CELSR1: variants seen among roughly 807,000 people sequenced by gnomAD.
CELSR1 encodes adhesion G protein-coupled receptor C1.
CELSR1 carries 110 observed loss-of-function variants against 249.1 expected under a neutral mutation model. The ratio of observed to expected loss-of-function variants is 0.44; its 90% confidence interval spans 0.38 to 0.52. The LOEUF (loss-of-function observed/expected upper bound fraction) is 0.52. Ranked by LOEUF, CELSR1 falls within the 20% of genes least tolerant of loss-of-function variation. CELSR1 has a pLI of 0.00. For missense variants in CELSR1, 4,109 were observed against 4,296.4 expected (o/e 0.96, Z 1.22); for synonymous variants, 2,113 against 1,900.0 (o/e 1.11, Z -2.92).
chr22:46,475,975 A>T (rs2080204249), intron 1 of CELSR1, among the ~76,000 whole-genome samples: 1 of 152,158 alleles, frequency 6.6e-6, no homozygotes, highest in Non-Finnish European at 1.5e-5. Flanking sequence ...GTGTGTTCAC[A>T]CATCAACATA....
chr22:46,439,292 A>G lies in CELSR1; in HGVS notation c.4303T>C (p.Tyr1435His). 1 of 1,613,720 alleles carries G rather than the reference A, an allele frequency of 6.2e-7. No individual in the cohort carries two copies. Among genetic ancestry groups the G allele is most frequent in the Admixed American group, 1.7e-5 (1 of 59,984 alleles). Reference protein sequence around the residue: ...GFHCVCPPGEYERPYCEVTTR... With the variant: ...GFHCVCPPGEHERPYCEVTTR... ...GTCACCTCACAGTAGGGCCTCTCAT[A>G]CTCGCCAGGAGGACACACGCAGTGG... The change falls in exon 3 of 35, where the codon TAT becomes CAT. Residue 1435 changes from tyrosine to histidine, a missense_variant. By Grantham distance (83) the Tyr-to-His change is moderately conservative. Around this residue, in one of 7 missense-constraint regions of CELSR1, gnomAD observed 453 missense variants for 492.0 expected, o/e 0.92. Transcript: ENST00000674500.
At chr22:46,384,819 T>C in intron 19 of CELSR1, 133 bp from the exon 20 acceptor site, 1 of 963,628 alleles carries the variant, frequency 1.0e-6, no homozygotes, top group Non-Finnish European at 1.5e-6. Flanking sequence ...AGGTGGAGTC[T>C]CGCAGTGTCT....
In CELSR1 at chr22:46,402,515, C is replaced by G. The variant is rs1298197801; in HGVS notation, c.5227-2613G>C. Among the ~76,000 whole-genome samples, 2 of 152,174 alleles carry G rather than the reference C, an allele frequency of 1.3e-5. No homozygotes were observed. Among genetic ancestry groups the G allele is most frequent in the Non-Finnish European group, 2.9e-5 (2 of 68,028 alleles). On this transcript the variant is annotated intron_variant, in intron 9 of 34. Transcript: ENST00000674500. This position sits in a 1 kb window ranked among gnomAD's most constrained non-coding sequence, Gnocchi z 5.0. The stretch of plus-strand genomic sequence containing the variant: ...TACAGGCATGAGCCACTGCACCTGG[C>G]CCCCATTCTAGTTTCAAATGCTCTC...
rs543471948 is a variant in CELSR1 at position 46,377,398 on chromosome 22, C to T, written c.7384-137G>A. ...CAGGATCAGGCTGGGCTGGGGAGGC[C>T]GAGTGCTCATGGCTCTGGGCCTGGA... On this transcript the variant is annotated intron_variant, in intron 23 of 34. Coordinates refer to ENST00000674500, the MANE Select transcript of CELSR1 (RefSeq NM_001378328.1). 1.5e-4 allele frequency: 144 copies of T among 952,888 alleles called. No homozygotes were observed. In the African/African-American group the frequency reaches 1.9e-3, roughly 13 times the overall value. The allele number at this position is 952,888 out of a possible 1,614,324, so 59.0% of individuals were successfully genotyped here.
chr22:46,524,575 T>TGTGTGTG (rs1569218327), intron 1 of CELSR1, among the ~76,000 whole-genome samples: 20 of 23,884 alleles, frequency 8.4e-4, no homozygotes, highest in Non-Finnish European at 1.8e-3. Context: ...TGTGTGTCTG[T>TGTGTGTG]CTGTCTGTGT....
Position 46,381,987 on chromosome 22 carries a change from C to T in CELSR1, c.6947G>A (p.Gly2316Asp). 6.4e-7 allele frequency: 1 copy of T among 1,565,722 alleles called. No individual in the cohort carries two copies. The highest frequency in any genetic ancestry group is 1.4e-5 in the African/African-American group (1 of 73,768). Residue 2316 changes from glycine (G) to aspartate (D), a missense_variant, in exon 21 of 35, where the codon GGC becomes GAC. Coordinates refer to ENST00000674500, the MANE Select transcript of CELSR1 (RefSeq NM_001378328.1). This position sits in a 1 kb window ranked among gnomAD's most constrained non-coding sequence, Gnocchi z 6.0. ...GCTGATCGGGGCCTCCCTCTCGGTG[C>T]CAGGCCCCGGGCGCGTGGTCTGCGG... ...TTPQTTRPGP[G>D]TEREAPISRR...
chr22:46,536,231 C>G lies in CELSR1; in HGVS notation c.940G>C (p.Glu314Gln). 1 of 1,612,548 alleles carries G rather than the reference C, an allele frequency of 6.2e-7. No homozygotes were observed. The highest frequency in any genetic ancestry group is 8.5e-7 in the Non-Finnish European group (1 of 1,179,972). ...AVSTDSVLDR[E>Q]TKETHVLRVK... is the part of the protein sequence containing the mutation. Reference sequence around the variant, plus strand: ...CTGAGGACGTGCGTCTCCTTGGTCTCGCGGTCCAGTACGCTGTCCGTGCTC... The same window carrying G: ...CTGAGGACGTGCGTCTCCTTGGTCTGGCGGTCCAGTACGCTGTCCGTGCTC... Residue 314 changes from glutamate to glutamine, a missense_variant, in exon 1 of 35, where the codon GAG becomes CAG. This residue lies in a region of CELSR1 where 673 missense variants were observed against 636.8 expected (regional missense o/e 1.06). Coordinates refer to ENST00000674500, the MANE Select transcript of CELSR1 (RefSeq NM_001378328.1).
Position 46,384,555 on chromosome 22 carries a change from G to A in CELSR1, c.6871C>T (p.Pro2291Ser). Residue 2291 changes from proline (P) to serine (S), a missense_variant, in exon 20 of 35, where the codon CCT becomes TCT. Physicochemically the swap from Pro to Ser is moderately conservative, Grantham distance 74. Transcript: ENST00000674500. ...TAAGCGGTTTTACCTTTTTCTTCAG[G>A]TGGTCTGAAGAAGTCGGCTGGGAAG... The part of the protein sequence containing the change: ...VSFPADFFRP[P>S]EEKEGPLLRP... 6.2e-7 allele frequency: 1 copy of A among 1,608,932 alleles called. No homozygotes were observed. The highest frequency in any genetic ancestry group is 1.3e-5 in the African/African-American group (1 of 74,830).
Position 46,464,384 on chromosome 22 carries a change from CG to C in CELSR1, c.3545-40del. 2.5e-6 allele frequency: 4 copies of C among 1,582,308 alleles called. No individual in the cohort carries two copies. The highest frequency in any genetic ancestry group is 3.4e-6 in the Non-Finnish European group (4 of 1,164,540). ...GAAAGTCAGGGTCATTCAGATGCTGCGGGAGTCACAGGTCCTATAGGCCCCA... is the reference window on the plus strand; with the variant it reads ...GAAAGTCAGGGTCATTCAGATGCTGCGGAGTCACAGGTCCTATAGGCCCCA... On this transcript the variant is annotated intron_variant, in intron 1 of 34. Transcript: ENST00000674500. The surrounding 1 kb of genome is among the most constrained non-coding windows in gnomAD (Gnocchi z 8.5).
rs893514507 is a variant in CELSR1, at chr22:46,429,632, TC to T, written c.4611+3760del. Among the ~76,000 whole-genome samples the T allele has an allele frequency of 1.1e-4, 16 of 152,220 alleles. No individual in the cohort carries two copies. Among genetic ancestry groups the T allele is most frequent in the African/African-American group, 3.9e-4 (16 of 41,460 alleles). On this transcript the variant is annotated intron_variant, in intron 5 of 34. Transcript: ENST00000674500. This position sits in a 1 kb window ranked among gnomAD's most constrained non-coding sequence, Gnocchi z 4.1. The stretch of plus-strand genomic sequence containing the variant: ...GGAAAAATAAACAGACTCTGCCTGC[TC>T]CCTGCCTGGGAGGGTTCCCTACCCC...
intron 1 of CELSR1, among the ~76,000 whole-genome samples, chr22:46,507,422 C>T (rs571873248): frequency 6.6e-6 from 1 of 152,054 alleles, no homozygotes; most frequent in East Asian, 1.9e-4. Context: ...CATGATGACC[C>T]CCACAGCACC....
intron 5 of CELSR1, among the ~76,000 whole-genome samples, chr22:46,421,032 C>A (rs1363630740): frequency 6.6e-6 from 1 of 152,204 alleles, no homozygotes; most frequent in Non-Finnish European, 1.5e-5. Context: ...CCGCCTAAAC[C>A]CGGCCCTCCC....
rs1172673408 is a variant in CELSR1 at position 46,395,917 on chromosome 22, C to G, written c.5843+688G>C. On this transcript the variant is annotated intron_variant, in intron 13 of 34. Transcript: ENST00000674500. The surrounding 1 kb of genome is among the most constrained non-coding windows in gnomAD (Gnocchi z 5.5). ...CACGCTGCTGCCTGTCCTAACCACA[C>G]TAGGATCTCCGCACACATCAGAAAT... Among the ~76,000 whole-genome samples the G allele has an allele frequency of 1.3e-5, 2 of 152,216 alleles. No homozygotes were observed. The highest frequency in any genetic ancestry group is 1.3e-4 in the Admixed American group (2 of 15,284).
At position 46,406,216 on chromosome 22, in the gene CELSR1, C is replaced by T. The variant is rs1428418083; in HGVS notation, c.5226+2780G>A. 7.2e-5 allele frequency among the ~76,000 whole-genome samples: 11 copies of T among 152,216 alleles called. No individual in the cohort carries two copies. The highest frequency in any genetic ancestry group is 1.5e-5 in the Non-Finnish European group (1 of 68,034). On this transcript the variant is annotated intron_variant, in intron 9 of 34. Transcript: ENST00000674500. The surrounding 1 kb of genome is among the most constrained non-coding windows in gnomAD (Gnocchi z 5.4). Reference sequence around the variant, plus strand: ...TAATTTGTTCTGACAGTGAAACCACCACACAGAAAATACCATCCCCAGGCA... The same window carrying T: ...TAATTTGTTCTGACAGTGAAACCACTACACAGAAAATACCATCCCCAGGCA...
At chr22:46,388,273 C>T (rs975874736) in intron 18 of CELSR1, among the ~76,000 whole-genome samples, 10 of 151,860 alleles carry the variant, frequency 6.6e-5, no homozygotes, top group African/African-American at 2.2e-4. Flanking sequence ...TGCTTGAACC[C>T]GGGAGGTGGA....
chr22:46,415,323 T>C (rs999604180), intron 5 of CELSR1, among the ~76,000 whole-genome samples: 1 of 152,104 alleles, frequency 6.6e-6, no homozygotes, highest in African/African-American at 2.4e-5. Context: ...CTAATTTTTG[T>C]ATTTTTAGTA....
rs1443721142 is a variant in CELSR1, at chr22:46,470,510, A to G, written c.3545-6165T>C. Among the ~76,000 whole-genome samples the G allele has an allele frequency of 2.0e-5, 3 of 152,132 alleles. No individual in the cohort carries two copies. In the East Asian group the frequency reaches 5.8e-4, roughly 29 times the overall value. On this transcript the variant is annotated intron_variant, in intron 1 of 34. Transcript: ENST00000674500. ...TCACTCAGGGATAAAACGATGACATAACAGACAGAAAATAGCATTAAATAT... is the reference window on the plus strand; with the variant it reads ...TCACTCAGGGATAAAACGATGACATGACAGACAGAAAATAGCATTAAATAT...
In CELSR1 at chr22:46,391,127, T is replaced by G; in HGVS notation, c.6250+59A>C. The stretch of plus-strand genomic sequence containing the variant: ...ATTCCATGAGTCCCCACATCTCGAC[T>G]GGCTCCTCCCACAAGGACGCCTGCC... On this transcript the variant is annotated intron_variant, in intron 16 of 34. Coordinates refer to ENST00000674500, the MANE Select transcript of CELSR1 (RefSeq NM_001378328.1). The surrounding 1 kb of genome is among the most constrained non-coding windows in gnomAD (Gnocchi z 4.3). 1 of 1,391,578 alleles carries G rather than the reference T, an allele frequency of 7.2e-7. No individual in the cohort carries two copies. The highest frequency in any genetic ancestry group is 1.2e-5 in the South Asian group (1 of 85,054). 86.2% of individuals were successfully genotyped at this position (1,391,578 alleles called of 1,614,324 possible).
At chr22:46,394,373 C>T in intron 13 of CELSR1, 111 bp from the exon 14 acceptor site, 1 of 1,328,844 alleles carries the variant, frequency 7.5e-7, no homozygotes, top group Non-Finnish European at 1.0e-6. Context: ...CTGGCTGGGT[C>T]CAGCTCTGGG....
Sources: gnomAD v4.1 joint callset for allele counts (sites outside exome capture counted in the v4.1 genomes callset) on GRCh38, gnomAD v4.1.1 for gene constraint, gnomAD v4.1.1 regional missense constraint, Gnocchi (gnomAD v3.1) non-coding constraint, MANE v1.5 for transcripts, NCBI Gene and HGNC (gene_info 2026-07-23, HGNC 2026-07-21) for gene names.